Variants in TTLL5 observed in about 807,000 individuals in gnomAD.
TTLL5 encodes tubulin tyrosine ligase like 5.
TTLL5 carries 132 observed loss-of-function variants against 168.4 expected under a neutral mutation model. The ratio of observed to expected loss-of-function variants is 0.78; its 90% confidence interval spans 0.68 to 0.91. TTLL5 has a LOEUF of 0.91. Ranked by LOEUF, TTLL5 falls within the 40% of genes least tolerant of loss-of-function variation. TTLL5 has a pLI of 0.00. For missense variants in TTLL5, 1,545 were observed against 1,581.5 expected (o/e 0.98, Z 0.39); for synonymous variants, 546 against 558.6 (o/e 0.98, Z 0.32).
rs556843188 is a variant in TTLL5 at position 75,810,212 on chromosome 14, A to T, written c.3172-9795A>T. 3.3e-5 allele frequency among the ~76,000 whole-genome samples: 5 copies of T among 152,302 alleles called. No individual in the cohort carries two copies. The South Asian group carries it at 1.0e-3, about 32-fold the overall frequency. On this transcript the variant is annotated intron_variant, in intron 27 of 31. Coordinates refer to ENST00000298832, the MANE Select transcript of TTLL5 (RefSeq NM_015072.5). The stretch of plus-strand genomic sequence containing the variant: ...GCATTCCTAGACCTTCTCAGACAAG[A>T]ATTATCTAAAATTTTTCTGGACCTG...
chr14:75,848,502 T>C (rs1442077050), intron 28 of TTLL5, among the ~76,000 whole-genome samples: 1 of 150,560 alleles, frequency 6.6e-6, no homozygotes, highest in Non-Finnish European at 1.5e-5. Flanking sequence ...TTTCCCTTGA[T>C]TTGATAAAAA....
chr14:75,947,771 C>T (rs2034821252), intron 31 of TTLL5, among the ~76,000 whole-genome samples: 1 of 151,792 alleles, frequency 6.6e-6, no homozygotes, highest in African/African-American at 2.4e-5. Flanking sequence ...AAAGTGAGAC[C>T]GTCTCTCCAA....
At chr14:75,920,854 G>A (rs1248506526) in intron 31 of TTLL5, among the ~76,000 whole-genome samples, 8 of 152,162 alleles carry the variant, frequency 5.3e-5, no homozygotes, top group Admixed American at 2.0e-4. Flanking sequence ...GTGTAAAAGC[G>A]TTCCTATTTC....
At chr14:75,868,951 T>C (rs951296234) in intron 29 of TTLL5, among the ~76,000 whole-genome samples, 1 of 151,056 alleles carries the variant, frequency 6.6e-6, no homozygotes, top group African/African-American at 2.4e-5. Flanking sequence ...GGAGGTGTCT[T>C]GATACATCTT....
At chr14:75,871,642 A>G (rs910001520) in intron 29 of TTLL5, among the ~76,000 whole-genome samples, 14 of 151,254 alleles carry the variant, frequency 9.3e-5, no homozygotes, top group South Asian at 4.2e-4. Context: ...TCTGGTGACC[A>G]GTTTTATTCT....
intron 29 of TTLL5, among the ~76,000 whole-genome samples, chr14:75,865,412 C>T (rs753006365): frequency 5.3e-5 from 8 of 152,062 alleles, no homozygotes; most frequent in Non-Finnish European, 7.3e-5. Context: ...CAAAAAACTA[C>T]TTCTCAGGTC....
At chr14:75,732,514 T>G in intron 13 of TTLL5, 95 bp downstream of exon 13, 1 of 1,085,040 alleles carries the variant, frequency 9.2e-7, no homozygotes, top group Non-Finnish European at 1.4e-6. Context: ...ACTAGAAGAC[T>G]GTTTTTTTCC....
chr14:75,708,163 G>T (rs1316865080), intron 9 of TTLL5, among the ~76,000 whole-genome samples: 5 of 152,148 alleles, frequency 3.3e-5, no homozygotes, highest in Non-Finnish European at 7.3e-5. Context: ...CATTTTTGCA[G>T]TTGAGGAAAC....
At chr14:75,767,780 G>C (rs951142365) in intron 20 of TTLL5, among the ~76,000 whole-genome samples, 4 of 152,168 alleles carry the variant, frequency 2.6e-5, no homozygotes, top group South Asian at 2.1e-4. Context: ...CTAAAGGCAG[G>C]GGGGTGAGTT....
intron 27 of TTLL5, among the ~76,000 whole-genome samples, chr14:75,809,472 G>T (rs984049103): frequency 6.6e-6 from 1 of 151,970 alleles, no homozygotes; most frequent in African/African-American, 2.4e-5. Context: ...TATTTTGGGG[G>T]GTACATATGA....
chr14:75,667,155 G>C (rs968554864), intron 2 of TTLL5, among the ~76,000 whole-genome samples: 4 of 151,936 alleles, frequency 2.6e-5, no homozygotes, highest in Admixed American at 2.0e-4. Flanking sequence ...TTAGAGACTT[G>C]GCTTTCTACA....
chr14:75,749,630 A>T lies in TTLL5; in HGVS notation c.1488-3263A>T, dbSNP rs77893711. Among the ~76,000 whole-genome samples, 131 of 152,272 alleles carry T rather than the reference A, an allele frequency of 8.6e-4. 1 individual carries two copies. The East Asian group carries it at 0.023, about 27-fold the overall frequency. On this transcript the variant is annotated intron_variant, in intron 17 of 31. Coordinates refer to ENST00000298832, the MANE Select transcript of TTLL5 (RefSeq NM_015072.5). ...CCCAGGAGAAAAAAGAGAGGTGCTCAGTGCATCATTTTCTGTTTATTTTTC... is the reference window on the plus strand; with the variant it reads ...CCCAGGAGAAAAAAGAGAGGTGCTCTGTGCATCATTTTCTGTTTATTTTTC...
At chr14:75,695,331 A>G (rs1885759279) in intron 6 of TTLL5, among the ~76,000 whole-genome samples, 1 of 152,124 alleles carries the variant, frequency 6.6e-6, no homozygotes, top group African/African-American at 2.4e-5. Context: ...TCTGCTCTCA[A>G]CCCTGTCTCC....
chr14:75,916,321 A>C (rs1193424407), intron 31 of TTLL5, among the ~76,000 whole-genome samples: 3 of 152,102 alleles, frequency 2.0e-5, no homozygotes, highest in Non-Finnish European at 1.5e-5. Flanking sequence ...TATGAAAAAC[A>C]CTATGGTGGT....
At chr14:75,737,436 G>A (rs1004419134) in intron 15 of TTLL5, 6 of 813,640 alleles carry the variant, frequency 7.4e-6, no homozygotes, top group African/African-American at 5.2e-5. Flanking sequence ...ACCACAAAGT[G>A]TAGGGCTCTT....
At chr14:75,912,376 T>G (rs2033428489) in intron 31 of TTLL5, among the ~76,000 whole-genome samples, 1 of 152,216 alleles carries the variant, frequency 6.6e-6, no homozygotes, top group African/African-American at 2.4e-5. Flanking sequence ...AAGCTGCCAA[T>G]GTATGCATGT....
chr14:75,843,311 T>C (rs2139854611), intron 28 of TTLL5, among the ~76,000 whole-genome samples: 1 of 152,332 alleles, frequency 6.6e-6, no homozygotes, highest in South Asian at 2.1e-4. Flanking sequence ...GATGTAAATA[T>C]ACTGTTCAGA....
chr14:75,843,726 A>G (rs1896379610), intron 28 of TTLL5, among the ~76,000 whole-genome samples: 1 of 151,842 alleles, frequency 6.6e-6, no homozygotes, highest in Non-Finnish European at 1.5e-5. Context: ...AGTGCCTGGC[A>G]CCTCCTCTTC....
At chr14:75,876,269 G>C (rs148033645) in intron 29 of TTLL5, among the ~76,000 whole-genome samples, 1 of 152,328 alleles carries the variant, frequency 6.6e-6, no homozygotes, top group African/African-American at 2.4e-5. Context: ...GCTCAGTTTT[G>C]AGTATATGTG....
Sources: allele counts gnomAD v4.1 joint callset (sites outside exome capture counted in the v4.1 genomes callset), GRCh38; gene constraint gnomAD v4.1.1; transcripts MANE v1.5; gene names NCBI Gene and HGNC (gene_info 2026-07-23, HGNC 2026-07-21).